PPP3R1: variants seen among roughly 807,000 people sequenced by gnomAD.
PPP3R1 encodes calcineurin subunit B type 1.
Under a neutral mutation model 22.6 loss-of-function variants are expected in PPP3R1, and 5 were observed. The ratio of observed to expected loss-of-function variants is 0.22; its 90% CI spans 0.12 to 0.46. PPP3R1 has a LOEUF of 0.46. Ranked by LOEUF, PPP3R1 falls within the 20% of genes least tolerant of loss-of-function variation. PPP3R1 has a pLI of 0.99. For missense variants in PPP3R1, 61 were observed against 203.2 expected, an observed-to-expected ratio of 0.30 and a Z score of 4.25; for synonymous variants, 56 against 65.2, an observed-to-expected ratio of 0.86 and a Z score of 0.68.
chr2:68,252,454 G>T lies in PPP3R1; in HGVS notation c.-327C>A. ...GGGCGAAGACGGCCGGGAAACTCGG[G>T]GGCTGCAGCCTCGCGCTCGCGCCGG... On this transcript the variant is annotated 5_prime_UTR_variant, in exon 1 of 6. Coordinates refer to ENST00000234310, the MANE Select transcript of PPP3R1 (RefSeq NM_000945.4). 1.0e-6 allele frequency: 1 copy of T among 990,070 alleles called. No homozygotes were observed. The highest frequency in any genetic ancestry group is 1.2e-6 in the Non-Finnish European group (1 of 833,666). 61.3% of individuals were successfully genotyped at this position (990,070 alleles called of 1,614,324 possible). A position where few individuals can be genotyped will look rare whatever the true frequency, so the allele number is the denominator to read the frequency against.
chr2:68,183,333 C>CT (rs1417044589), intron 5 of PPP3R1, among the ~76,000 whole-genome samples: 1 of 152,200 alleles, frequency 6.6e-6, no homozygotes, highest in African/African-American at 2.4e-5. Flanking sequence ...TGAAGCCCTT[C>CT]TCCCAGCACT....
At chr2:68,232,613 G>A (rs561152066) in intron 1 of PPP3R1, among the ~76,000 whole-genome samples, 26 of 151,828 alleles carry the variant, frequency 1.7e-4, no homozygotes, top group African/African-American at 5.8e-4. Context: ...TGTTGTTGTT[G>A]TTGTTGTTTT....
intron 1 of PPP3R1, among the ~76,000 whole-genome samples, chr2:68,232,334 G>A (rs1385086130): frequency 1.4e-5 from 2 of 144,910 alleles, no homozygotes; most frequent in African/African-American, 5.1e-5. Flanking sequence ...CCAGCCACTC[G>A]GTAGGCTGAC....
rs570478201 is a variant in PPP3R1, at chr2:68,251,416, A to C, written c.3+709T>G. On this transcript the variant is annotated intron_variant, in intron 1 of 5. Transcript: ENST00000234310. ...GGTAGTAACGGAAGCATGAAAAATT[A>C]AGCGCCCCCATTTCTCCCAAACCAA... is the stretch of plus-strand genomic sequence containing the variant. Among the ~76,000 whole-genome samples the C allele has an allele frequency of 1.3e-4, 20 of 152,352 alleles. 1 individual carries two copies. Among genetic ancestry groups the C allele is most frequent in the African/African-American group, 4.8e-4 (20 of 41,590 alleles).
intron 1 of PPP3R1, among the ~76,000 whole-genome samples, chr2:68,217,450 T>TCAATGTTCCAACATGTCTTGCTGGGTG (rs1359079383): frequency 2.0e-5 from 3 of 152,246 alleles, no homozygotes; most frequent in African/African-American, 7.2e-5. Context: ...TTAGGGACTG[T>TCAATGTTCCAACATGTCTTGCTGGGTG]CAATGTTCCA....
intron 1 of PPP3R1, among the ~76,000 whole-genome samples, chr2:68,236,554 T>C (rs1433301896): frequency 1.3e-5 from 2 of 152,048 alleles, no homozygotes; most frequent in East Asian, 3.9e-4. Context: ...TAGACAAAAT[T>C]TTTGGTGAGG....
chr2:68,186,735 G>T, intron 4 of PPP3R1, 83 bp from the exon 5 acceptor site: 1 of 1,207,272 alleles, frequency 8.3e-7, no homozygotes, highest in Non-Finnish European at 1.2e-6. Context: ...ATAGTAAACT[G>T]ACAAACATCA....
At chr2:68,241,059 G>A (rs1670118749) in intron 1 of PPP3R1, among the ~76,000 whole-genome samples, 2 of 152,272 alleles carry the variant, frequency 1.3e-5, no homozygotes, top group Admixed American at 6.5e-5. Context: ...GAATACCTAT[G>A]GGATCTCTAG....
intron 3 of PPP3R1, among the ~76,000 whole-genome samples, chr2:68,187,999 G>A (rs566675050): frequency 3.1e-4 from 47 of 152,076 alleles, no homozygotes; most frequent in African/African-American, 9.6e-4. Flanking sequence ...GTGAAATCTC[G>A]TTTTTACTAA....
chr2:68,232,031 G>A (rs1303708709), intron 1 of PPP3R1, among the ~76,000 whole-genome samples: 14 of 149,668 alleles, frequency 9.4e-5, no homozygotes, highest in Non-Finnish European at 1.8e-4. Flanking sequence ...AGGCCAAGGC[G>A]GGCAGATCAC....
At chr2:68,198,425 GTA>G (rs1188568861) in intron 2 of PPP3R1, among the ~76,000 whole-genome samples, 7 of 143,996 alleles carry the variant, frequency 4.9e-5, no homozygotes, top group African/African-American at 1.6e-4. Context: ...GCATATATAC[GTA>G]TATATGCGTG....
intron 1 of PPP3R1, among the ~76,000 whole-genome samples, chr2:68,236,456 A>T (rs1319380158): frequency 6.6e-6 from 1 of 152,130 alleles, no homozygotes; most frequent in Non-Finnish European, 1.5e-5. Flanking sequence ...ATTACCCCTA[A>T]CCTAAAATGA....
chr2:68,202,101 G>A (rs545614598), intron 2 of PPP3R1, among the ~76,000 whole-genome samples: 25 of 152,170 alleles, frequency 1.6e-4, no homozygotes, highest in Non-Finnish European at 2.9e-4. Flanking sequence ...TCAGTCAGAC[G>A]CTATCACTCT....
At chr2:68,200,011 T>A (rs1674942808) in intron 2 of PPP3R1, among the ~76,000 whole-genome samples, 1 of 152,158 alleles carries the variant, frequency 6.6e-6, no homozygotes, top group African/African-American at 2.4e-5. Flanking sequence ...TTGATAGAAT[T>A]TACCAGTAAA....
At chr2:68,214,064 A>C (rs960495211) in intron 2 of PPP3R1, among the ~76,000 whole-genome samples, 1 of 152,226 alleles carries the variant, frequency 6.6e-6, no homozygotes, top group African/African-American at 2.4e-5. Flanking sequence ...TAATTCAATA[A>C]GTGGTGCTGG....
chr2:68,232,384 T>TGAGC (rs899806146), intron 1 of PPP3R1, among the ~76,000 whole-genome samples: 2 of 146,808 alleles, frequency 1.4e-5, no homozygotes, highest in Non-Finnish European at 3.0e-5. Flanking sequence ...GAGGTTGCAG[T>TGAGC]GAGCCAAGAT....
rs1346486866 is a variant in PPP3R1, at chr2:68,197,850, G to C, written c.44-9160C>G. On this transcript the variant is annotated intron_variant, in intron 2 of 5. Coordinates refer to ENST00000234310, the MANE Select transcript of PPP3R1 (RefSeq NM_000945.4). ...AGAATTTTTTCCCTTTATGATTCCT[G>C]TTTTGTGTGTACTAAAAGTCTTTAC... Among the ~76,000 whole-genome samples, 4 of 151,202 alleles carry C rather than the reference G, an allele frequency of 2.6e-5. No homozygotes were observed. In the East Asian group the frequency reaches 7.7e-4, roughly 29 times the overall value.
chr2:68,244,223 C>A (rs899703842), intron 1 of PPP3R1, among the ~76,000 whole-genome samples: 2 of 152,174 alleles, frequency 1.3e-5, no homozygotes, highest in African/African-American at 4.8e-5. Context: ...GTATTAAGCT[C>A]TTTTCTGGTT....
intron 1 of PPP3R1, among the ~76,000 whole-genome samples, chr2:68,221,738 C>A (rs1415045586): frequency 1.3e-5 from 2 of 150,150 alleles, no homozygotes; most frequent in African/African-American, 4.9e-5. Context: ...TAAATATAAT[C>A]AGAGGGGAAA....
Sources: gnomAD v4.1 joint callset for allele counts (sites outside exome capture counted in the v4.1 genomes callset) on GRCh38, gnomAD v4.1.1 for gene constraint, MANE v1.5 for transcripts, NCBI Gene and HGNC (gene_info 2026-07-23, HGNC 2026-07-21) for gene names.